GRID2IP: variants seen among roughly 807,000 people sequenced by gnomAD.
GRID2IP encodes the protein delphilin.
Under a neutral mutation model 114.3 loss-of-function variants are expected in GRID2IP, and 78 were observed. That is an observed-to-expected ratio of 0.68 (90% CI 0.57 to 0.82). GRID2IP has a LOEUF of 0.82. GRID2IP is among the 40% of genes least tolerant of loss of function. The pLI is 0.00. For missense variants in GRID2IP, 1,727 were observed against 1,678.5 expected, an observed-to-expected ratio of 1.03 and a Z score of -0.51; for synonymous variants, 809 against 724.0, an observed-to-expected ratio of 1.12 and a Z score of -1.89.
In GRID2IP at chr7:6,502,105, TTGG is replaced by T; in HGVS notation, c.3161_3163del (p.Thr1054del). ...GAAGGTGGACTTCCCATCCACTGTC[TTGG>T]TGGAGTTCAGCTGCAAGTGACCCCC... On this transcript the variant is annotated inframe_deletion, in exon 19 of 22. Coordinates refer to ENST00000457091, the MANE Select transcript of GRID2IP (RefSeq NM_001145118.2). 6.4e-7 allele frequency: 1 copy of T among 1,551,346 alleles called. No individual in the cohort carries two copies. The highest frequency in any genetic ancestry group is 8.7e-7 in the Non-Finnish European group (1 of 1,146,880).
chr7:6,536,864 G>C lies in GRID2IP; in HGVS notation c.584+2854C>G. ...GCTCATGGTGGCCTCTTTCGGTGGT[G>C]GTCGCCTATGCTCCGCTGCAGAGCC... is the stretch of plus-strand genomic sequence containing the variant. On this transcript the variant is annotated intron_variant, in intron 2 of 21. Coordinates refer to ENST00000457091, the MANE Select transcript of GRID2IP (RefSeq NM_001145118.2). The surrounding 1 kb of genome is among the most constrained non-coding windows in gnomAD (Gnocchi z 5.3). 1.4e-6 allele frequency: 1 copy of C among 690,932 alleles called. No homozygotes were observed. Among genetic ancestry groups the C allele is most frequent in the Non-Finnish European group, 2.6e-6 (1 of 378,080 alleles). 42.8% of individuals were successfully genotyped at this position (690,932 alleles called of 1,614,324 possible). A position where few individuals can be genotyped will look rare whatever the true frequency, so the allele number is the denominator to read the frequency against.
intron 2 of GRID2IP, among the ~76,000 whole-genome samples, chr7:6,535,112 G>A (rs930654941): frequency 1.3e-5 from 2 of 151,248 alleles, no homozygotes; most frequent in East Asian, 1.9e-4. Flanking sequence ...CTCAAACTCC[G>A]GACCTCAGGT....
rs1025146115 is a variant in GRID2IP, at chr7:6,504,857, C to T, written c.2646G>A (p.Gly882=). Residue 882 remains glycine, a synonymous_variant, in exon 15 of 22, where the codon GGG becomes GGA. Coordinates refer to ENST00000457091, the MANE Select transcript of GRID2IP (RefSeq NM_001145118.2). ...CCTCCTTCTTCCGGAAGGGCTCCGG[C>T]CCCGGCACCGGTTCTGGAAAAGAAA... ...GTQKPAKPVP[G]PEPFRKKEVV... 5.2e-6 allele frequency: 8 copies of T among 1,551,198 alleles called. No individual in the cohort carries two copies. In the African/African-American group the frequency reaches 8.2e-5, roughly 16 times the overall value.
rs1030152277 is a variant in GRID2IP at position 6,497,726 on chromosome 7, G to A, written c.*48C>T. 9.8e-6 allele frequency: 14 copies of A among 1,424,400 alleles called. No individual in the cohort carries two copies. The highest frequency in any genetic ancestry group is 6.3e-5 in the South Asian group (5 of 79,844). 88.2% of individuals were successfully genotyped at this position (1,424,400 alleles called of 1,614,324 possible). A position where few individuals can be genotyped will look rare whatever the true frequency, so the allele number is the denominator to read the frequency against. On this transcript the variant is annotated 3_prime_UTR_variant, in exon 22 of 22. Coordinates refer to ENST00000457091, the MANE Select transcript of GRID2IP (RefSeq NM_001145118.2). ...TCGGCAGTGTCTGGGCTGCCCTCTC[G>A]GCCTCCATCTCCCTGCTCAGGCCGC...
intron 15 of GRID2IP, 119 bp from the exon 16 acceptor site, chr7:6,503,806 G>A (rs1583332742): frequency 1.5e-6 from 1 of 680,268 alleles, no homozygotes; most frequent in East Asian, 3.2e-5. Context: ...GCCTAGGGGA[G>A]AGGACGGGGC....
intron 4 of GRID2IP, among the ~76,000 whole-genome samples, chr7:6,525,687 G>GA (rs1779496386): frequency 1.3e-5 from 2 of 152,126 alleles, no homozygotes; most frequent in African/African-American, 2.4e-5. Flanking sequence ...GAACAAGAAG[G>GA]AGCAAGCAGG....
chr7:6,503,573 G>A lies in GRID2IP; in HGVS notation c.2825C>T (p.Pro942Leu). 2 of 1,529,156 alleles carry A rather than the reference G, an allele frequency of 1.3e-6. No homozygotes were observed. Among genetic ancestry groups the A allele is most frequent in the Non-Finnish European group, 1.7e-6 (2 of 1,144,358 alleles). 94.7% of individuals were successfully genotyped at this position (1,529,156 alleles called of 1,614,324 possible). Residue 942 changes from proline to leucine, a missense_variant, in exon 16 of 22, where the codon CCC becomes CTC. By Grantham distance (98) the Pro-to-Leu change is moderately conservative (BLOSUM62 -3). Transcript: ENST00000457091. ...AHLAQLLLFAPDADEEQRYQA... is the reference protein window; with the variant it reads ...AHLAQLLLFALDADEEQRYQA... ...GTAGCGCTGCTCCTCGTCGGCGTCG[G>A]GCGCGAAGAGCAGCAGCTGCGCGAG... is the stretch of plus-strand genomic sequence containing the variant.
intron 2 of GRID2IP, among the ~76,000 whole-genome samples, chr7:6,535,597 G>A (rs977734071): frequency 4.6e-5 from 7 of 152,174 alleles, no homozygotes; most frequent in African/African-American, 1.7e-4. Context: ...GGGGCACAGT[G>A]GCTCACACCT....
intron 2 of GRID2IP, among the ~76,000 whole-genome samples, chr7:6,537,785 T>A (rs1216670354): frequency 6.6e-6 from 1 of 151,802 alleles, no homozygotes; most frequent in Non-Finnish European, 1.5e-5. Context: ...GGGAGGCAGA[T>A]GTTGCAGTAA....
intron 1 of GRID2IP, among the ~76,000 whole-genome samples, chr7:6,540,318 G>A (rs1779793851): frequency 6.6e-6 from 1 of 151,666 alleles, no homozygotes; most frequent in Admixed American, 6.6e-5. Context: ...CTCCATGTTG[G>A]TCAGGCTAGT....
chr7:6,513,565 C>T (rs1045501685), intron 8 of GRID2IP, among the ~76,000 whole-genome samples: 10 of 152,132 alleles, frequency 6.6e-5, no homozygotes, highest in Non-Finnish European at 1.2e-4. Flanking sequence ...GAGTACAGAG[C>T]GCAGCCACTG....
At chr7:6,512,612 G>C (rs573791719) in intron 8 of GRID2IP, among the ~76,000 whole-genome samples, 1 of 151,808 alleles carries the variant, frequency 6.6e-6, no homozygotes, top group Non-Finnish European at 1.5e-5. Context: ...CCAGGTTCAA[G>C]CAATTCTCCT....
chr7:6,541,372 A>G (rs1779813313), intron 1 of GRID2IP, among the ~76,000 whole-genome samples: 2 of 152,222 alleles, frequency 1.3e-5, no homozygotes, highest in African/African-American at 4.8e-5. Context: ...CTATTATTAT[A>G]ATACTACACT....
chr7:6,517,820 T>A (rs1779338678), intron 7 of GRID2IP, among the ~76,000 whole-genome samples: 1 of 151,826 alleles, frequency 6.6e-6, no homozygotes, highest in South Asian at 2.1e-4. Flanking sequence ...GGAGACACAC[T>A]TGAACCGGGA....
At chr7:6,515,864 T>A (rs1453181133) in intron 7 of GRID2IP, among the ~76,000 whole-genome samples, 1 of 152,012 alleles carries the variant, frequency 6.6e-6, no homozygotes, top group African/African-American at 2.4e-5. Context: ...TTTGGGAGGC[T>A]GAGGTGGGTG....
chr7:6,498,471 T>C (rs1583329664), intron 20 of GRID2IP, among the ~76,000 whole-genome samples: 1 of 151,738 alleles, frequency 6.6e-6, no homozygotes, highest in African/African-American at 2.4e-5. Context: ...CTGTTCTCTC[T>C]GCAGGGCCAG....
chr7:6,512,467 A>C (rs554716556), intron 8 of GRID2IP, among the ~76,000 whole-genome samples: 3 of 150,894 alleles, frequency 2.0e-5, no homozygotes, highest in East Asian at 3.9e-4. Context: ...CATCCTCCCA[A>C]GTAGCTGGGA....
rs751793677 is a variant in GRID2IP, at chr7:6,508,144, G to A, written c.2385C>T (p.Val795=). ...AKPLTQLSHP[V]PPPPPPPLPP... is the part of the protein sequence containing the mutation. ...GCAGGGGCGGTGGGGGTGGTGGAGG[G>A]ACTGGGTGGCTGAGTTGGGTGAGGG... The change falls in exon 13 of 22, where the codon GTC becomes GTT. Residue 795 remains valine, a synonymous_variant. Coordinates refer to ENST00000457091, the MANE Select transcript of GRID2IP (RefSeq NM_001145118.2). The surrounding 1 kb of genome is among the most constrained non-coding windows in gnomAD (Gnocchi z 5.6). 1.3e-6 allele frequency: 2 copies of A among 1,506,652 alleles called. No individual in the cohort carries two copies. The highest frequency in any genetic ancestry group is 2.6e-5 in the South Asian group (2 of 77,698). 93.3% of individuals were successfully genotyped at this position (1,506,652 alleles called of 1,614,324 possible). A position where few individuals can be genotyped will look rare whatever the true frequency, so the allele number is the denominator to read the frequency against.
chr7:6,546,618 C>G (rs1040805066), intron 1 of GRID2IP, among the ~76,000 whole-genome samples: 4 of 151,850 alleles, frequency 2.6e-5, no homozygotes, highest in Non-Finnish European at 4.4e-5. Flanking sequence ...CACGGAGGCC[C>G]TTCATCTTCC....
Sources: allele counts gnomAD v4.1 joint callset (sites outside exome capture counted in the v4.1 genomes callset), GRCh38; gene constraint gnomAD v4.1.1; non-coding constraint Gnocchi (gnomAD v3.1); transcripts MANE v1.5; gene names NCBI Gene and HGNC (gene_info 2026-07-23, HGNC 2026-07-21).